The following GSTA3 variants were observed in gnomAD, a reference collection of about 807,000 sequenced individuals.
GSTA3 encodes glutathione S-transferase alpha 3.
GSTA3 carries 16 observed loss-of-function variants against 23.1 expected under a neutral mutation model. That is an observed-to-expected ratio of 0.69 (90% CI 0.47 to 1.05). GSTA3 has a LOEUF of 1.05. GSTA3 is among the 50% of genes least tolerant of loss of function. GSTA3 has a pLI of 0.00. For missense variants in GSTA3, 319 were observed against 263.6 expected (o/e 1.21, Z -1.46); for synonymous variants, 122 against 91.0 (o/e 1.34, Z -1.94).
chr6:52,901,270 A>G (rs981747346), intron 4 of GSTA3, among the ~76,000 whole-genome samples: 3 of 152,200 alleles, frequency 2.0e-5, no homozygotes, highest in African/African-American at 7.2e-5. Flanking sequence ...CCCATTGAGT[A>G]TTCATTTTCC....
At chr6:52,897,357 G>A (rs967996509) in intron 6 of GSTA3, among the ~76,000 whole-genome samples, 2 of 152,252 alleles carry the variant, frequency 1.3e-5, no homozygotes, top group African/African-American at 4.8e-5. Context: ...GAGAGATACA[G>A]GGTTGGGGGC....
At chr6:52,907,415 C>G (rs1289351495) in intron 1 of GSTA3, among the ~76,000 whole-genome samples, 1 of 146,182 alleles carries the variant, frequency 6.8e-6, no homozygotes, top group African/African-American at 2.6e-5. Flanking sequence ...GTCAGTGTGG[C>G]GATTCCTCAG....
Position 52,896,885 on chromosome 6 carries a change from A to G in GSTA3, c.590T>C (p.Phe197Ser). The G allele has an allele frequency of 1.2e-6, 2 of 1,614,074 alleles. No individual in the cohort carries two copies. The highest frequency in any genetic ancestry group is 1.7e-6 in the Non-Finnish European group (2 of 1,179,944). The change falls in exon 7 of 7, where the codon TTT (phenylalanine) becomes TCT (serine). Residue 197 changes from phenylalanine to serine, a missense_variant. Phe to Ser is a radical substitution (Grantham distance 155). Coordinates refer to ENST00000211122, the MANE Select transcript of GSTA3 (RefSeq NM_000847.5). ...RISNLPTVKK[F>S]LQPGSPRKPP... ...CTTCCTTGGGCTGCCAGGCTGTAGA[A>G]ACTTCTTCACCGTGGGCAGGTTGCT...
chr6:52,903,372 G>A (rs2127360604), intron 3 of GSTA3, among the ~76,000 whole-genome samples: 1 of 151,486 alleles, frequency 6.6e-6, no homozygotes, highest in Admixed American at 6.6e-5. Flanking sequence ...CGGATCACGA[G>A]GTCAGGAGAT....
chr6:52,896,869 G>T lies in GSTA3; in HGVS notation c.606C>A (p.Ser202Arg). ...TTGCATCTGCGGGAGGCTTCCTTGG[G>T]CTGCCAGGCTGTAGAAACTTCTTCA... ...PTVKKFLQPG[S>R]PRKPPADAKA... Residue 202 changes from serine (S) to arginine (R), a missense_variant, in exon 7 of 7, where the codon AGC (serine) becomes AGA (arginine). Ser to Arg is a moderately radical substitution (Grantham distance 110, BLOSUM62 -1). Coordinates refer to ENST00000211122, the MANE Select transcript of GSTA3 (RefSeq NM_000847.5). 1.2e-6 allele frequency: 2 copies of T among 1,614,064 alleles called. No homozygotes were observed. The highest frequency in any genetic ancestry group is 1.7e-6 in the Non-Finnish European group (2 of 1,179,952).
At chr6:52,908,143 T>A (rs1201252886) in intron 1 of GSTA3, among the ~76,000 whole-genome samples, 1 of 144,452 alleles carries the variant, frequency 6.9e-6, no homozygotes, top group East Asian at 2.0e-4. Flanking sequence ...TGGCTAGATA[T>A]CTCAAGAGCA....
intron 1 of GSTA3, among the ~76,000 whole-genome samples, chr6:52,907,538 G>A (rs1437344339): frequency 4.8e-4 from 73 of 150,762 alleles, no homozygotes; most frequent in Admixed American, 1.5e-3. Flanking sequence ...GTTTATTGTG[G>A]CACTATTCAC....
intron 4 of GSTA3, 131 bp downstream of exon 4, chr6:52,902,210 TACTGG>T: frequency 1.0e-6 from 1 of 989,868 alleles, no homozygotes. Flanking sequence ...GACTCTGCAA[TACTGG>T]ACCTCAGTAT....
chr6:52,899,098 G>T (rs1421654745), intron 5 of GSTA3, among the ~76,000 whole-genome samples: 1 of 152,140 alleles, frequency 6.6e-6, no homozygotes, highest in Non-Finnish European at 1.5e-5. Context: ...GAATGAGTTA[G>T]GGTAGAGCAG....
At chr6:52,905,675 G>A in intron 2 of GSTA3, 73 bp downstream of exon 2, 1 of 845,464 alleles carries the variant, frequency 1.2e-6, no homozygotes, top group Non-Finnish European at 1.9e-6. Flanking sequence ...TAGTATGGAA[G>A]TCTCTTGGCT....
chr6:52,903,702 G>A lies in GSTA3; in HGVS notation c.113C>T (p.Ala38Val), dbSNP rs1765780522. Residue 38 changes from alanine (A) to valine (V), a missense_variant, in exon 3 of 7, where the codon GCA (alanine) becomes GTA (valine). Coordinates refer to ENST00000211122, the MANE Select transcript of GSTA3 (RefSeq NM_000847.5). Reference sequence around the variant, plus strand: ...ATTTCTTAACTTTCCCAAATCTTCTGCAGATCCTATAAATTTCTCTTCAAA... The same window carrying A: ...ATTTCTTAACTTTCCCAAATCTTCTACAGATCCTATAAATTTCTCTTCAAA... ...VEFEEKFIGSAEDLGKLRNDG... is the reference protein window; with the variant it reads ...VEFEEKFIGSVEDLGKLRNDG... 1 of 1,592,510 alleles carries A rather than the reference G, an allele frequency of 6.3e-7. No homozygotes were observed.
chr6:52,902,857 C>T (rs964504846), intron 3 of GSTA3, among the ~76,000 whole-genome samples: 1 of 152,136 alleles, frequency 6.6e-6, no homozygotes, highest in Non-Finnish European at 1.5e-5. Flanking sequence ...TGTTCATGGC[C>T]TTTAAAGTAG....
chr6:52,902,673 G>A lies in GSTA3; in HGVS notation c.140-195C>T, dbSNP rs45487194. ...CTGACCTGATTCCTTTGACCTTTTAGCCTGTTATTTCATTTATGTTTTTAT... is the reference window on the plus strand; with the variant it reads ...CTGACCTGATTCCTTTGACCTTTTAACCTGTTATTTCATTTATGTTTTTAT... On this transcript the variant is annotated intron_variant, in intron 3 of 6. Transcript: ENST00000211122. 7.6e-3 allele frequency among the ~76,000 whole-genome samples: 1,153 copies of A among 152,238 alleles called. 15 individuals carry two copies. The highest frequency in any genetic ancestry group is 0.026 in the African/African-American group (1,094 of 41,536).
intron 5 of GSTA3, among the ~76,000 whole-genome samples, chr6:52,898,632 C>G (rs913953346): frequency 4.6e-5 from 7 of 152,156 alleles, no homozygotes; most frequent in South Asian, 2.1e-4. Context: ...TCCTCATTTC[C>G]TGTTCTATCT....
chr6:52,899,837 A>G, intron 5 of GSTA3, 97 bp downstream of exon 5: 1 of 1,144,400 alleles, frequency 8.7e-7, no homozygotes, highest in Non-Finnish European at 1.3e-6. Flanking sequence ...AGGAAGTCTC[A>G]CTGAAAGTGA....
intron 1 of GSTA3, 60 bp from the exon 2 acceptor site, chr6:52,905,915 C>A: frequency 2.6e-6 from 2 of 766,564 alleles, no homozygotes; most frequent in South Asian, 1.5e-5. Context: ...AAGCAAAATG[C>A]ACGCTAGTAT....
chr6:52,897,995 AC>A, intron 5 of GSTA3, 39 bp from the exon 6 acceptor site: 1 of 1,612,306 alleles, frequency 6.2e-7, no homozygotes, highest in Non-Finnish European at 8.5e-7. Context: ...ATACATGCGC[AC>A]CCAGGATGGG....
Position 52,897,836 on chromosome 6 carries a change from G to T in GSTA3, c.535C>A (p.Pro179Thr). 1.2e-6 allele frequency: 2 copies of T among 1,613,678 alleles called. No homozygotes were observed. The highest frequency in any genetic ancestry group is 1.7e-6 in the Non-Finnish European group (2 of 1,179,848). The change falls in exon 6 of 7, where the codon CCT becomes ACT. Residue 179 changes from proline (P) to threonine (T), a missense_variant. By Grantham distance (38) the Pro-to-Thr change is conservative (BLOSUM62 -1). Transcript: ENST00000211122. ...GTGAAATGGGTCACCTTCAGCAGAG[G>T]GAAGTTGGAGATAAGGCTGGAGTCA... is the stretch of plus-strand genomic sequence containing the variant. The part of the protein sequence containing the change: ...ELDSSLISNF[P>T]LLKALKTRIS...
At chr6:52,902,049 A>T (rs1218230616) in intron 4 of GSTA3, among the ~76,000 whole-genome samples, 1 of 152,138 alleles carries the variant, frequency 6.6e-6, no homozygotes, top group Non-Finnish European at 1.5e-5. Flanking sequence ...AGGCTTGAGC[A>T]CCTGGAATCA....
Sources: allele counts gnomAD v4.1 joint callset (sites outside exome capture counted in the v4.1 genomes callset), GRCh38; gene constraint gnomAD v4.1.1; transcripts MANE v1.5; gene names NCBI Gene and HGNC (gene_info 2026-07-23, HGNC 2026-07-21).